Variants in ESRRG observed in about 807,000 individuals in gnomAD.
ESRRG encodes the protein estrogen-related receptor gamma.
In ESRRG, 13 loss-of-function variants were observed where a neutral mutation model predicts 44.0. The observed-to-expected ratio is 0.30, with a 90% confidence interval of 0.19 to 0.47. The LOEUF (loss-of-function observed/expected upper bound fraction) is 0.47. ESRRG is among the 20% of genes least tolerant of loss of function. The pLI is 1.00. For synonymous variants in ESRRG, 215 were observed against 214.6 expected (o/e 1.00, Z -0.02); for missense variants, 395 against 580.6 (o/e 0.68, Z 3.29).
rs140515091 is a variant in ESRRG at position 216,953,706 on chromosome 1, G to A, written c.-105-14033C>T. ...ATAATAGTGTTATCTCTGAAAGGAC[G>A]TGATGTCATCATAAATCACAGAGCT... is the stretch of plus-strand genomic sequence containing the variant. On this transcript the variant is annotated intron_variant, in intron 1 of 7. Coordinates refer to the ESRRG transcript ENST00000359162. Among the ~76,000 whole-genome samples the A allele has an allele frequency of 4.6e-5, 7 of 152,140 alleles. No homozygotes were observed. In the East Asian group the frequency reaches 5.8e-4, roughly 13 times the overall value.
chr1:217,008,858 G>A (rs1204198995), intron 1 of ESRRG, among the ~76,000 whole-genome samples: 1 of 152,106 alleles, frequency 6.6e-6, no homozygotes, highest in Non-Finnish European at 1.5e-5. Flanking sequence ...CTAGCTAAAT[G>A]AACGTCTTCC....
chr1:217,054,482 A>C (rs1013880032), intron 1 of ESRRG, among the ~76,000 whole-genome samples: 1 of 152,198 alleles, frequency 6.6e-6, no homozygotes, highest in African/African-American at 2.4e-5. Context: ...GTCGACTCAA[A>C]AGAAAGGACA....
intron 3 of ESRRG, among the ~76,000 whole-genome samples, chr1:216,644,947 A>G (rs2067228654): frequency 1.3e-5 from 2 of 152,206 alleles, no homozygotes; most frequent in African/African-American, 4.8e-5. Context: ...AACTTCAAAT[A>G]AAATCTGACT....
chr1:217,121,047 G>A (rs2092811482), intron 1 of ESRRG, among the ~76,000 whole-genome samples: 1 of 152,108 alleles, frequency 6.6e-6, no homozygotes, highest in Non-Finnish European at 1.5e-5. Context: ...AGGAAAGAGT[G>A]ATGGACTTTG....
At chr1:216,935,157 A>G (rs1399458421) in intron 2 of ESRRG, among the ~76,000 whole-genome samples, 1 of 152,136 alleles carries the variant, frequency 6.6e-6, no homozygotes, top group African/African-American at 2.4e-5. Context: ...CCCACATGTC[A>G]GTTCTCCAGT....
chr1:216,585,939 C>T (rs2063692293), intron 3 of ESRRG, among the ~76,000 whole-genome samples: 1 of 152,020 alleles, frequency 6.6e-6, no homozygotes. Flanking sequence ...ACTCGGGAGG[C>T]TGAGACAGGA....
intron 2 of ESRRG, among the ~76,000 whole-genome samples, chr1:216,868,662 TG>T (rs1034112768): frequency 6.4e-4 from 97 of 152,306 alleles, no homozygotes; most frequent in African/African-American, 2.3e-3. Context: ...CCAGAGTGGC[TG>T]TTTCATTTTG....
At chr1:217,049,613 G>A (rs985112468) in intron 1 of ESRRG, among the ~76,000 whole-genome samples, 1 of 152,190 alleles carries the variant, frequency 6.6e-6, no homozygotes, top group Non-Finnish European at 1.5e-5. Context: ...GTACTGTCAA[G>A]AAGATCTAGA....
chr1:216,785,543 G>T (rs1389250580), intron 2 of ESRRG, among the ~76,000 whole-genome samples: 1 of 151,956 alleles, frequency 6.6e-6, no homozygotes, highest in African/African-American at 2.4e-5. Flanking sequence ...GGAGGGAAAA[G>T]CTATTTTCAG....
At chr1:216,740,158 A>G (rs2813702) in intron 2 of ESRRG, among the ~76,000 whole-genome samples, 84,727 of 152,050 alleles carry the variant, frequency 0.56, 24,152 homozygotes, top group East Asian at 0.73. Flanking sequence ...AATGAATACC[A>G]ATTTTGTGAC....
intron 2 of ESRRG, among the ~76,000 whole-genome samples, chr1:216,816,106 T>G (rs563443601): frequency 1.3e-5 from 2 of 152,290 alleles, no homozygotes; most frequent in South Asian, 4.1e-4. Context: ...AAGAAATACC[T>G]CTTTCACTAC....
intron 1 of ESRRG, among the ~76,000 whole-genome samples, chr1:217,081,221 CTTTTTTTTT>C (rs143325476): frequency 7.1e-5 from 5 of 70,416 alleles, no homozygotes; most frequent in African/African-American, 1.8e-4. Context: ...TAAAAATATT[CTTTTTTTTT>C]TTTTTTTTTT....
At chr1:216,742,793 T>C (rs993069362) in intron 2 of ESRRG, among the ~76,000 whole-genome samples, 2 of 152,106 alleles carry the variant, frequency 1.3e-5, no homozygotes, top group Non-Finnish European at 2.9e-5. Flanking sequence ...AAGTAAACTG[T>C]ACAAGAAAAC....
At chr1:216,819,038 T>C (rs1353199852) in intron 2 of ESRRG, among the ~76,000 whole-genome samples, 1 of 152,184 alleles carries the variant, frequency 6.6e-6, no homozygotes, top group Non-Finnish European at 1.5e-5. Flanking sequence ...GTTGATTTCA[T>C]GTCTTTGCTA....
rs2077789701 is a variant in ESRRG, at chr1:216,685,594, T to C, written c.57-8103A>G. On this transcript the variant is annotated intron_variant, in intron 1 of 6. Transcript: ENST00000408911. ...AGACATTCAACTCATAGAAAGTCTA[T>C]GCACTGATCTCTACAAATTACATTG... Among the ~76,000 whole-genome samples the C allele has an allele frequency of 2.6e-5, 4 of 152,332 alleles. No individual in the cohort carries two copies. The South Asian group carries it at 6.2e-4, about 24-fold the overall frequency.
At chr1:216,932,497 A>G (rs1454675277) in intron 2 of ESRRG, among the ~76,000 whole-genome samples, 1 of 152,032 alleles carries the variant, frequency 6.6e-6, no homozygotes, top group African/African-American at 2.4e-5. Context: ...AACCATGGGT[A>G]ACTAGGATTT....
chr1:216,820,466 A>G (rs1349474899), intron 2 of ESRRG, among the ~76,000 whole-genome samples: 3 of 152,186 alleles, frequency 2.0e-5, no homozygotes, highest in Non-Finnish European at 4.4e-5. Flanking sequence ...CAAACTCCTC[A>G]ATTCTGATCA....
chr1:216,652,816 T>A (rs2069334472), intron 2 of ESRRG, among the ~76,000 whole-genome samples: 1 of 152,248 alleles, frequency 6.6e-6, no homozygotes, highest in Admixed American at 6.5e-5. Flanking sequence ...TTATTTTGCA[T>A]CAAAAGAGTG....
intron 3 of ESRRG, among the ~76,000 whole-genome samples, chr1:216,569,144 G>GAAGGA (rs2149619433): frequency 7.8e-6 from 1 of 127,998 alleles, no homozygotes; most frequent in South Asian, 2.7e-4. Context: ...AAGAAGGAAA[G>GAAGGA]AAGAGTGGAA....
Sources: allele counts gnomAD v4.1 joint callset (sites outside exome capture counted in the v4.1 genomes callset), GRCh38; gene constraint gnomAD v4.1.1; transcripts MANE v1.5; gene names NCBI Gene and HGNC (gene_info 2026-07-23, HGNC 2026-07-21).